C1QTNF3: variants seen among roughly 807,000 people sequenced by gnomAD.
C1QTNF3 encodes the protein complement C1q tumor necrosis factor-related protein 3.
A neutral mutation model predicts 32.6 loss-of-function variants in C1QTNF3; 26 were observed. That is an observed-to-expected ratio of 0.80 (90% confidence interval 0.58 to 1.11). The LOEUF (loss-of-function observed/expected upper bound fraction) is 1.11, where lower values mean the gene tolerates loss of function less well. C1QTNF3 is among the 50% of genes least tolerant of loss of function. The pLI is 0.00. For missense variants in C1QTNF3, 362 were observed against 398.2 expected (o/e 0.91, Z 0.77); for synonymous variants, 155 against 146.0 (o/e 1.06, Z -0.44).
chr5:34,081,967 A>G, the C1QTNF3 span, among the ~76,000 whole-genome samples: 1 of 151,684 alleles, frequency 6.6e-6, no homozygotes, highest in Non-Finnish European at 1.5e-5. Flanking sequence ...ATTTTAGTTG[A>G]GCAAAATAAA....
chr5:34,040,561 T>G (rs1754844821), intron 1 of C1QTNF3, among the ~76,000 whole-genome samples: 1 of 152,072 alleles, frequency 6.6e-6, no homozygotes, highest in Non-Finnish European at 1.5e-5. Context: ...CTCTGGCCAT[T>G]GTACTCCACC....
chr5:34,058,506 G>A, the C1QTNF3 span, among the ~76,000 whole-genome samples: 1 of 152,182 alleles, frequency 6.6e-6, no homozygotes, highest in East Asian at 1.9e-4. Context: ...ACCCCCAGGG[G>A]TCCCAGAGAA....
At chr5:34,240,171 A>G in the C1QTNF3 span, among the ~76,000 whole-genome samples, 2,076 of 151,466 alleles carry the variant, frequency 0.014, 31 homozygotes, top group South Asian at 0.033. Flanking sequence ...CTTTATCATA[A>G]AGTTAGAAAT....
rs781449807 is a variant in C1QTNF3 at position 34,019,540 on chromosome 5, G to C, written c.*1043C>G. The stretch of plus-strand genomic sequence containing the variant: ...TATAACAATGGAATAACTGAAAAGC[G>C]AAGTTTTCTGAAGTCATATGACCCT... On this transcript the variant is annotated 3_prime_UTR_variant, in exon 6 of 6. Coordinates refer to ENST00000382065, the MANE Select transcript of C1QTNF3 (RefSeq NM_181435.6). 6.6e-6 allele frequency: 1 copy of C among 152,202 alleles called. No homozygotes were observed. The highest frequency in any genetic ancestry group is 1.5e-5 in the Non-Finnish European group (1 of 68,036). The allele number at this position is 152,202 out of a possible 1,614,324, so 9.4% of individuals were successfully genotyped here. A position where few individuals can be genotyped will look rare whatever the true frequency, so the allele number is the denominator to read the frequency against.
chr5:34,103,360 G>A, the C1QTNF3 span, among the ~76,000 whole-genome samples: 1 of 151,346 alleles, frequency 6.6e-6, no homozygotes, highest in Non-Finnish European at 1.5e-5. Context: ...GGAGTGTAGT[G>A]GTGCAATCAC....
the C1QTNF3 span, among the ~76,000 whole-genome samples, chr5:34,078,395 TG>T: frequency 1.3e-4 from 19 of 151,808 alleles, no homozygotes; most frequent in African/African-American, 4.6e-4. This position sits in a 1 kb window ranked among gnomAD's most constrained non-coding sequence, Gnocchi z 4.0. Flanking sequence ...CCACATGTCT[TG>T]GGAGGCCTCA....
chr5:34,020,226 A>G lies in C1QTNF3; in HGVS notation c.*357T>C. ...GAACTTAAAACTTCAGGGGTTCCTG[A>G]AAACTGGTATTAAATTAAAAGCAGA... On this transcript the variant is annotated 3_prime_UTR_variant, in exon 6 of 6. Coordinates refer to ENST00000382065, the MANE Select transcript of C1QTNF3 (RefSeq NM_181435.6). 1 of 185,962 alleles carries G rather than the reference A, an allele frequency of 5.4e-6. No homozygotes were observed. The highest frequency in any genetic ancestry group is 5.4e-5 in the Admixed American group (1 of 18,578). 11.5% of individuals were successfully genotyped at this position (185,962 alleles called of 1,614,324 possible).
the C1QTNF3 span, among the ~76,000 whole-genome samples, chr5:34,184,715 CAAAAAA>C: frequency 3.9e-5 from 5 of 129,592 alleles, no homozygotes; most frequent in African/African-American, 1.1e-4. Context: ...GACTCTGTCT[CAAAAAA>C]AAAAAAAAAA....
At chr5:34,023,257 C>T (rs762056366) in intron 5 of C1QTNF3, among the ~76,000 whole-genome samples, 5 of 152,190 alleles carry the variant, frequency 3.3e-5, no homozygotes, top group African/African-American at 4.8e-5. Context: ...CCTACAACCC[C>T]TCATTCTTTC....
the C1QTNF3 span, among the ~76,000 whole-genome samples, chr5:34,084,986 C>CTTTTTTTTT: frequency 2.9e-5 from 2 of 69,972 alleles, no homozygotes; most frequent in Non-Finnish European, 5.1e-5. Flanking sequence ...ACGTTTAAGT[C>CTTTTTTTTT]TTTTTTTTTT....
chr5:34,138,687 C>G, the C1QTNF3 span, among the ~76,000 whole-genome samples: 1 of 152,022 alleles, frequency 6.6e-6, no homozygotes. Flanking sequence ...GAAATAATTA[C>G]CCACACAGCT....
At chr5:34,070,983 G>A in the C1QTNF3 span, among the ~76,000 whole-genome samples, 115 of 152,240 alleles carry the variant, frequency 7.6e-4, 1 homozygote, top group East Asian at 0.018. Context: ...ATTAGCTATC[G>A]TAAATACATT....
At chr5:34,203,099 A>G in the C1QTNF3 span, among the ~76,000 whole-genome samples, 2 of 152,232 alleles carry the variant, frequency 1.3e-5, no homozygotes, top group Admixed American at 6.5e-5. Flanking sequence ...AAACACAAAA[A>G]TGAAAGGTCA....
intron 1 of C1QTNF3, among the ~76,000 whole-genome samples, chr5:34,037,422 A>G (rs1754767878): frequency 6.6e-6 from 1 of 152,244 alleles, no homozygotes; most frequent in Non-Finnish European, 1.5e-5. Flanking sequence ...GAACTGGATC[A>G]AACTTCACAC....
At chr5:34,173,268 T>G in the C1QTNF3 span, among the ~76,000 whole-genome samples, 1 of 152,114 alleles carries the variant, frequency 6.6e-6, no homozygotes, top group African/African-American at 2.4e-5. Context: ...GCACAGTGCC[T>G]AGAATGTACA....
chr5:34,210,844 A>G, the C1QTNF3 span, among the ~76,000 whole-genome samples: 2 of 152,124 alleles, frequency 1.3e-5, no homozygotes, highest in East Asian at 1.9e-4. Flanking sequence ...TGCCCAAGTT[A>G]TATGGATTCA....
At chr5:34,141,636 A>G in the C1QTNF3 span, among the ~76,000 whole-genome samples, 2 of 152,208 alleles carry the variant, frequency 1.3e-5, no homozygotes, top group Non-Finnish European at 2.9e-5. Context: ...AGACAAAAAA[A>G]GACTAATATT....
chr5:34,169,564 G>A, the C1QTNF3 span, among the ~76,000 whole-genome samples: 2 of 151,976 alleles, frequency 1.3e-5, no homozygotes, highest in Admixed American at 6.6e-5. Flanking sequence ...TTTATAGATT[G>A]CCTTTTCGTT....
chr5:34,109,751 T>C, the C1QTNF3 span, among the ~76,000 whole-genome samples: 1 of 152,288 alleles, frequency 6.6e-6, no homozygotes, highest in African/African-American at 2.4e-5. Context: ...GCCTTCCTTA[T>C]TCCAGCGTTG....
Sources: allele counts gnomAD v4.1 joint callset (sites outside exome capture counted in the v4.1 genomes callset), GRCh38; gene constraint gnomAD v4.1.1; non-coding constraint Gnocchi (gnomAD v3.1); transcripts MANE v1.5; gene names NCBI Gene and HGNC (gene_info 2026-07-23, HGNC 2026-07-21).